The following KDM4C variants were observed in gnomAD, a reference collection of about 807,000 sequenced individuals.
KDM4C encodes lysine-specific demethylase 4C.
KDM4C carries 81 observed loss-of-function variants against 129.3 expected under a neutral mutation model. The observed-to-expected ratio is 0.63, with a 90% CI of 0.52 to 0.75. KDM4C has a LOEUF of 0.75. Among genes scored for constraint, KDM4C ranks in the 30% least tolerant of loss-of-function variants. The pLI is 0.00. For missense variants in KDM4C, 1,457 were observed against 1,304.0 expected (o/e 1.12, Z -1.81); for synonymous variants, 573 against 456.1 (o/e 1.26, Z -3.26).
chr9:7,014,191 A>T, intron 14 of KDM4C, 190 bp downstream of exon 14: 3 of 549,146 alleles, frequency 5.5e-6, no homozygotes, highest in South Asian at 2.7e-5. Flanking sequence ...CACCACTTTC[A>T]TGTAGTATCC....
intron 7 of KDM4C, among the ~76,000 whole-genome samples, chr9:6,891,584 G>T (rs1846124081): frequency 1.3e-5 from 2 of 152,094 alleles, no homozygotes; most frequent in Non-Finnish European, 2.9e-5. Context: ...AAAATTAATT[G>T]TGATAGTTGC....
At chr9:7,105,657 C>A (rs996341577) in intron 18 of KDM4C, among the ~76,000 whole-genome samples, 3 of 152,174 alleles carry the variant, frequency 2.0e-5, no homozygotes, top group Non-Finnish European at 2.9e-5. Flanking sequence ...AACCCCAAAC[C>A]TCAAATGGTG....
chr9:6,733,814 G>C (rs1169480093), intron 1 of KDM4C, among the ~76,000 whole-genome samples: 1 of 152,166 alleles, frequency 6.6e-6, no homozygotes, highest in East Asian at 1.9e-4. Flanking sequence ...GCTAAACAAG[G>C]GGTGTATTAT....
At chr9:6,888,198 T>C in intron 7 of KDM4C, 135 bp downstream of exon 7, 1 of 419,534 alleles carries the variant, frequency 2.4e-6, no homozygotes, top group Non-Finnish European at 4.2e-6. Context: ...TTATAGCATA[T>C]CAATTATTTA....
At chr9:6,883,500 G>A (rs1050445088) in intron 6 of KDM4C, among the ~76,000 whole-genome samples, 2 of 152,156 alleles carry the variant, frequency 1.3e-5, no homozygotes, top group African/African-American at 4.8e-5. Context: ...ACAATTTGAT[G>A]TCAGTGATAT....
At chr9:7,033,941 A>C (rs1350508761) in intron 15 of KDM4C, among the ~76,000 whole-genome samples, 1 of 151,758 alleles carries the variant, frequency 6.6e-6, no homozygotes, top group Non-Finnish European at 1.5e-5. Context: ...GTGTGGAAAA[A>C]CTGCAGTGCA....
intron 4 of KDM4C, among the ~76,000 whole-genome samples, chr9:6,827,357 G>A (rs1335121719): frequency 1.3e-5 from 2 of 152,320 alleles, no homozygotes; most frequent in East Asian, 1.9e-4. Context: ...CAATGATAGT[G>A]AATTTTTGTC....
At chr9:7,113,708 G>C (rs144796328) in intron 18 of KDM4C, among the ~76,000 whole-genome samples, 1 of 152,186 alleles carries the variant, frequency 6.6e-6, no homozygotes, top group Admixed American at 6.5e-5. Context: ...GCTATTCTTC[G>C]TGCTAATGAA....
In KDM4C at chr9:6,758,087, AGCTGTCACCTAGTGCG is replaced by A; in HGVS notation, c.-132_-117del. 1.0e-6 allele frequency: 1 copy of A among 985,520 alleles called. No homozygotes were observed. The highest frequency in any genetic ancestry group is 1.2e-6 in the Non-Finnish European group (1 of 830,028). The allele number at this position is 985,520 out of a possible 1,614,324, so 61.0% of individuals were successfully genotyped here. Reference sequence around the variant, plus strand: ...GGTCCTGTGCGCGTGCGCAGCGAACAGCTGTCACCTAGTGCGGAACAAGTCTCCCAAATTTCCCAAA... The same window carrying A: ...GGTCCTGTGCGCGTGCGCAGCGAACAGAACAAGTCTCCCAAATTTCCCAAA... On this transcript the variant is annotated 5_prime_UTR_variant, in exon 1 of 22. Transcript: ENST00000381309. The surrounding 1 kb of genome is among the most constrained non-coding windows in gnomAD (Gnocchi z 4.6).
At chr9:6,895,259 C>G (rs1816209750) in intron 8 of KDM4C, among the ~76,000 whole-genome samples, 2 of 152,188 alleles carry the variant, frequency 1.3e-5, no homozygotes, top group South Asian at 4.1e-4. Flanking sequence ...AGTTAAATGT[C>G]AAGATGTTTG....
At chr9:6,776,468 T>A (rs1823067522) in intron 1 of KDM4C, among the ~76,000 whole-genome samples, 1 of 152,062 alleles carries the variant, frequency 6.6e-6, no homozygotes, top group South Asian at 2.1e-4. Context: ...TCCACCATGT[T>A]GGCCAGGATG....
intron 1 of KDM4C, among the ~76,000 whole-genome samples, chr9:6,732,393 AAAAAAAAAGAAT>A (rs1817377143): frequency 5.1e-5 from 6 of 118,442 alleles, no homozygotes; most frequent in African/African-American, 1.5e-4. Flanking sequence ...AAAAAAAAAA[AAAAAAAAAGAAT>A]GAGGCCGGAA....
chr9:7,094,083 T>C (rs1047019703), intron 17 of KDM4C, among the ~76,000 whole-genome samples: 3 of 152,374 alleles, frequency 2.0e-5, no homozygotes, highest in African/African-American at 4.8e-5. Context: ...GCTGTTACCA[T>C]CTTTACCTAT....
chr9:6,905,207 T>G (rs1362237640), intron 8 of KDM4C, among the ~76,000 whole-genome samples: 1 of 152,174 alleles, frequency 6.6e-6, no homozygotes, highest in African/African-American at 2.4e-5. Context: ...GAGGAACAAA[T>G]GTAACATCAG....
chr9:7,069,773 A>G (rs547696629), intron 17 of KDM4C, among the ~76,000 whole-genome samples: 1 of 152,354 alleles, frequency 6.6e-6, no homozygotes, highest in Non-Finnish European at 1.5e-5. Flanking sequence ...AAGGGAAGGT[A>G]AAGTCAAAAT....
chr9:6,834,681 T>C (rs1414272108), intron 4 of KDM4C: 3 of 833,078 alleles, frequency 3.6e-6, no homozygotes, highest in East Asian at 4.9e-5. Context: ...CATGGCATCA[T>C]TACCAACTGG....
Position 6,767,163 on chromosome 9 carries a change from G to T in KDM4C, c.-18+8960G>T, listed in dbSNP as rs1820789652. On this transcript the variant is annotated intron_variant, in intron 1 of 21. Transcript: ENST00000381309. The stretch of plus-strand genomic sequence containing the variant: ...TTTTTTTTTATTCTTTTTTGAGATG[G>T]AGTCTCGCTGTGTCGCCCAGGCTGG... Among the ~76,000 whole-genome samples, 3 of 151,948 alleles carry T rather than the reference G, an allele frequency of 2.0e-5. No individual in the cohort carries two copies. In the South Asian group the frequency reaches 6.2e-4, roughly 32 times the overall value.
chr9:7,096,806 G>A (rs1836492474), intron 17 of KDM4C, among the ~76,000 whole-genome samples: 1 of 152,110 alleles, frequency 6.6e-6, no homozygotes, highest in Admixed American at 6.6e-5. Context: ...TTGCTTGATT[G>A]CCTGAGGTTT....
chr9:7,067,457 G>C (rs1832583446), intron 17 of KDM4C, among the ~76,000 whole-genome samples: 1 of 152,180 alleles, frequency 6.6e-6, no homozygotes, highest in African/African-American at 2.4e-5. Context: ...ATTTCTCTGA[G>C]AAATGTTCCA....
Sources: allele counts gnomAD v4.1 joint callset (sites outside exome capture counted in the v4.1 genomes callset), GRCh38; gene constraint gnomAD v4.1.1; non-coding constraint Gnocchi (gnomAD v3.1); transcripts MANE v1.5; gene names NCBI Gene and HGNC (gene_info 2026-07-23, HGNC 2026-07-21).